Variants in ACSS2 observed in about 807,000 individuals in gnomAD.
ACSS2 encodes acyl-CoA synthetase short chain family member 2.
Under a neutral mutation model 90.6 loss-of-function variants are expected in ACSS2, and 58 were observed. The observed-to-expected ratio is 0.64, with a 90% CI of 0.52 to 0.80. The LOEUF (loss-of-function observed/expected upper bound fraction) is 0.80, where lower values mean the gene tolerates loss of function less well. Among genes scored for constraint, ACSS2 ranks in the 30% least tolerant of loss-of-function variants. The pLI, the probability that ACSS2 is intolerant of heterozygous loss-of-function variation, is 0.00. For synonymous variants in ACSS2, 300 were observed against 330.9 expected (o/e 0.91, Z 1.01); for missense variants, 759 against 912.0 (o/e 0.83, Z 2.16).
chr20:34,913,321 G>T, intron 3 of ACSS2, 72 bp from the exon 4 acceptor site: 2 of 1,548,824 alleles, frequency 1.3e-6, no homozygotes, highest in Non-Finnish European at 1.8e-6. Flanking sequence ...TGGGAGGGAG[G>T]CCAGCTGGAT....
At chr20:34,917,297 C>T (rs900247312) in intron 7 of ACSS2, among the ~76,000 whole-genome samples, 1 of 152,190 alleles carries the variant, frequency 6.6e-6, no homozygotes, top group African/African-American at 2.4e-5. Context: ...AAAAAAAGTA[C>T]CCATGTGACA....
rs1166747590 is a variant in ACSS2 at position 34,923,809 on chromosome 20, G to GC, written c.1657+386dup. Among the ~76,000 whole-genome samples, 317 of 66,052 alleles carry GC rather than the reference G, an allele frequency of 4.8e-3. 2 individuals carry two copies. The highest frequency in any genetic ancestry group is 7.7e-3 in the East Asian group (14 of 1,822). 43.3% of individuals were successfully genotyped at this position (66,052 alleles called of 152,430 possible). On this transcript the variant is annotated intron_variant, in intron 14 of 17. Transcript: ENST00000360596. ...CATTCATGAGGGATCTGTCCCCCCC[G>GC]CCCCCCCCACCTCCCCGGCCTTGAC... is the stretch of plus-strand genomic sequence containing the variant.
At chr20:34,905,296 G>A (rs80145918) in intron 2 of ACSS2, among the ~76,000 whole-genome samples, 3 of 147,730 alleles carry the variant, frequency 2.0e-5, no homozygotes, top group African/African-American at 5.0e-5. Context: ...AGTCTCGCTC[G>A]GTCGCCCAGG....
At chr20:34,884,967 A>G (rs2146974402) in intron 2 of ACSS2, among the ~76,000 whole-genome samples, 1 of 152,242 alleles carries the variant, frequency 6.6e-6, no homozygotes, top group East Asian at 1.9e-4. Flanking sequence ...TGGGAGACCA[A>G]GGCAGGTGGA....
intron 8 of ACSS2, among the ~76,000 whole-genome samples, chr20:34,919,784 G>C (rs919297211): frequency 6.6e-6 from 1 of 152,116 alleles, no homozygotes; most frequent in Non-Finnish European, 1.5e-5. Context: ...CAGTTCAGGT[G>C]GAGGGTTTTC....
intron 1 of ACSS2, among the ~76,000 whole-genome samples, chr20:34,877,818 C>CAAAAAA (rs60819156): frequency 5.5e-5 from 5 of 91,220 alleles, no homozygotes; most frequent in Non-Finnish European, 8.0e-5. Context: ...GACTTTGTCT[C>CAAAAAA]AAAAAAAAAA....
chr20:34,926,668 G>T (rs538878687), intron 16 of ACSS2, among the ~76,000 whole-genome samples: 3 of 152,060 alleles, frequency 2.0e-5, no homozygotes, highest in African/African-American at 7.2e-5. Context: ...ACTCTAGCAG[G>T]CTCATTCTAC....
chr20:34,876,455 C>A (rs988142096), upstream of ACSS2: 1 of 533,338 alleles, frequency 1.9e-6, no homozygotes, highest in Non-Finnish European at 2.9e-6. Context: ...CTGTCCTTGC[C>A]AACCTCGATC....
At chr20:34,926,982 G>A in intron 17 of ACSS2, 31 bp downstream of exon 17, 1 of 1,614,104 alleles carries the variant, frequency 6.2e-7, no homozygotes, top group Non-Finnish European at 8.5e-7. Context: ...GGATTGGGAT[G>A]GGCTGAGGCC....
In ACSS2 at chr20:34,927,079, T is replaced by C. The variant is rs765825953; in HGVS notation, c.1979-8T>C. On this transcript the variant is annotated splice_region_variant and splice_polypyrimidine_tract_variant and intron_variant, in intron 17 of 17. Transcript: ENST00000360596. This position sits in a 1 kb window ranked among gnomAD's most constrained non-coding sequence, Gnocchi z 4.2. ...TCACCAAGTAACTAGAGGTCTGTGG[T>C]TCCCCAGGGAAAATCATGAGGCGAG... The C allele has an allele frequency of 8.1e-6, 13 of 1,614,028 alleles. No individual in the cohort carries two copies. The highest frequency in any genetic ancestry group is 1.0e-5 in the Non-Finnish European group (12 of 1,179,980).
chr20:34,882,661 AAAG>A (rs1257297381), intron 1 of ACSS2, 130 bp from the exon 2 acceptor site: 3 of 741,726 alleles, frequency 4.0e-6, no homozygotes, highest in Non-Finnish European at 6.5e-6. Flanking sequence ...TTAGACAGGT[AAAG>A]AAGGGACCCA....
chr20:34,912,885 A>G (rs1269703680), intron 2 of ACSS2, among the ~76,000 whole-genome samples: 1 of 152,238 alleles, frequency 6.6e-6, no homozygotes, highest in Non-Finnish European at 1.5e-5. Flanking sequence ...CTAATGACAT[A>G]CAACATGTGT....
At chr20:34,915,240 A>G (rs1318534500) in intron 7 of ACSS2, 2 of 1,613,812 alleles carry the variant, frequency 1.2e-6, no homozygotes, top group East Asian at 4.5e-5. Context: ...GAGAAATCCA[A>G]GCGTGTTCAG....
chr20:34,894,158 G>T (rs2080406091), intron 2 of ACSS2, among the ~76,000 whole-genome samples: 2 of 152,100 alleles, frequency 1.3e-5, no homozygotes. Context: ...TTTTGAGGAT[G>T]GTTACTTGAG....
chr20:34,889,867 G>A (rs1019914169), intron 2 of ACSS2, among the ~76,000 whole-genome samples: 1 of 152,142 alleles, frequency 6.6e-6, no homozygotes, highest in African/African-American at 2.4e-5. Context: ...GTCCAGGTAT[G>A]GGAGATCTTG....
At chr20:34,921,914 T>G (rs1401907966) in intron 13 of ACSS2, 48 bp downstream of exon 13, 1 of 1,575,636 alleles carries the variant, frequency 6.3e-7, no homozygotes, top group Non-Finnish European at 8.6e-7. Context: ...GGAAAGGGTC[T>G]GCCAAGGGTA....
rs775835167 is a variant in ACSS2, at chr20:34,923,303, G to A, written c.1549-20G>A. 5 of 1,561,244 alleles carry A rather than the reference G, an allele frequency of 3.2e-6. No homozygotes were observed. The highest frequency in any genetic ancestry group is 3.5e-6 in the Non-Finnish European group (4 of 1,132,076). On this transcript the variant is annotated intron_variant, in intron 13 of 17. Coordinates refer to ENST00000360596, the MANE Select transcript of ACSS2 (RefSeq NM_018677.4). ...AGACAGCATAGCAAATGTGATCACT[G>A]TCCCTTCCTCACTCCCCAGGTGTTC...
At chr20:34,889,358 G>A (rs537598080) in intron 2 of ACSS2, among the ~76,000 whole-genome samples, 13 of 151,754 alleles carry the variant, frequency 8.6e-5, no homozygotes, top group African/African-American at 2.7e-4. Context: ...TCTTGACCTC[G>A]TGATCCACTC....
At chr20:34,881,875 A>AT in intron 1 of ACSS2, among the ~76,000 whole-genome samples, 1 of 152,250 alleles carries the variant, frequency 6.6e-6, no homozygotes, top group Admixed American at 6.5e-5. Context: ...GCACATAGTG[A>AT]ATAACACTTA....
Sources: gnomAD v4.1 joint callset for allele counts (sites outside exome capture counted in the v4.1 genomes callset) on GRCh38, gnomAD v4.1.1 for gene constraint, Gnocchi (gnomAD v3.1) non-coding constraint, MANE v1.5 for transcripts, NCBI Gene and HGNC (gene_info 2026-07-23, HGNC 2026-07-21) for gene names.